Variants in KLHL32 observed in about 807,000 individuals in gnomAD.
KLHL32 encodes kelch like family member 32, also known as kelch-like protein 32.
KLHL32 carries 35 observed loss-of-function variants against 64.8 expected under a neutral mutation model. The ratio of observed to expected loss-of-function variants is 0.54; its 90% CI spans 0.41 to 0.72. KLHL32 has a LOEUF of 0.72. Among genes scored for constraint, KLHL32 ranks in the 30% least tolerant of loss-of-function variants. KLHL32 has a pLI of 0.00. For missense variants in KLHL32, 589 were observed against 768.5 expected, an observed-to-expected ratio of 0.77 and a Z score of 2.76; for synonymous variants, 259 against 281.0, an observed-to-expected ratio of 0.92 and a Z score of 0.78.
intron 3 of KLHL32, among the ~76,000 whole-genome samples, chr6:96,997,095 A>G (rs1419565754): frequency 6.6e-6 from 1 of 152,090 alleles, no homozygotes; most frequent in East Asian, 1.9e-4. Context: ...GTTCATGCTG[A>G]CCAAAGGCTT....
chr6:97,022,761 C>T (rs755899653), intron 3 of KLHL32, among the ~76,000 whole-genome samples: 4 of 152,170 alleles, frequency 2.6e-5, no homozygotes, highest in Non-Finnish European at 4.4e-5. Context: ...TGAGCCATGG[C>T]GCCCAGCCCT....
chr6:97,020,798 C>T (rs936657561), intron 3 of KLHL32, among the ~76,000 whole-genome samples: 3 of 150,760 alleles, frequency 2.0e-5, no homozygotes, highest in Non-Finnish European at 4.4e-5. Context: ...TCCAGGTTTT[C>T]CTCCCACTTG....
intron 3 of KLHL32, among the ~76,000 whole-genome samples, chr6:96,996,133 G>T (rs1778397109): frequency 6.6e-6 from 1 of 152,248 alleles, no homozygotes; most frequent in African/African-American, 2.4e-5. Context: ...CCACTCTGTA[G>T]GTTCTGGAAG....
chr6:96,898,301 A>G, the KLHL32 span, among the ~76,000 whole-genome samples: 1 of 152,240 alleles, frequency 6.6e-6, no homozygotes, highest in Non-Finnish European at 1.5e-5. Context: ...GTTAGCCGAT[A>G]AAAATGGAAC....
chr6:97,016,448 A>T (rs978065094), intron 3 of KLHL32, among the ~76,000 whole-genome samples: 2 of 152,240 alleles, frequency 1.3e-5, no homozygotes, highest in South Asian at 4.1e-4. Flanking sequence ...TCAGACTTGC[A>T]TGGAACTGTA....
intron 1 of KLHL32, among the ~76,000 whole-genome samples, chr6:96,940,098 A>G (rs1771102209): frequency 6.6e-6 from 1 of 152,134 alleles, no homozygotes; most frequent in African/African-American, 2.4e-5. Flanking sequence ...AACTGCATTA[A>G]TGTTGGTGCC....
intron 1 of KLHL32, among the ~76,000 whole-genome samples, chr6:96,954,312 A>ATTTTTTT (rs71012579): frequency 2.8e-4 from 25 of 89,432 alleles, no homozygotes; most frequent in African/African-American, 8.9e-4. Context: ...CTTTCCTTCA[A>ATTTTTTT]TTTTTTTTTT....
At chr6:97,000,407 C>G (rs564246476) in intron 3 of KLHL32, among the ~76,000 whole-genome samples, 1 of 152,280 alleles carries the variant, frequency 6.6e-6, no homozygotes, top group South Asian at 2.1e-4. Context: ...GACAGGAAGT[C>G]TTTCTTGAGG....
chr6:96,973,673 G>A (rs1364272681), intron 2 of KLHL32, among the ~76,000 whole-genome samples: 2 of 149,650 alleles, frequency 1.3e-5, no homozygotes, highest in African/African-American at 4.9e-5. Flanking sequence ...AAAGTTAATA[G>A]GGACTTACAT....
chr6:97,045,888 A>G (rs532200523), intron 4 of KLHL32, among the ~76,000 whole-genome samples: 1 of 152,258 alleles, frequency 6.6e-6, no homozygotes, highest in Non-Finnish European at 1.5e-5. Flanking sequence ...CCCATTGCCC[A>G]GGAGTCATAT....
intron 3 of KLHL32, among the ~76,000 whole-genome samples, chr6:97,028,729 G>A (rs555572389): frequency 1.1e-3 from 174 of 152,322 alleles, no homozygotes; most frequent in Middle Eastern, 6.8e-3. Context: ...TGCCATATGC[G>A]AGAGATCAAA....
At chr6:96,928,156 C>T (rs1006959832) in intron 1 of KLHL32, among the ~76,000 whole-genome samples, 2 of 152,144 alleles carry the variant, frequency 1.3e-5, no homozygotes, top group Admixed American at 1.3e-4. Flanking sequence ...GAAGCTCAGA[C>T]ACAGGGAAAA....
intron 3 of KLHL32, among the ~76,000 whole-genome samples, chr6:97,019,005 ATAGT>A (rs1473529245): frequency 9.2e-5 from 14 of 152,206 alleles, no homozygotes; most frequent in Admixed American, 7.9e-4. Flanking sequence ...TACAAAAATG[ATAGT>A]TAAGTAGGTT....
chr6:96,914,757 A>G, the KLHL32 span: 5 of 151,990 alleles, frequency 3.3e-5, no homozygotes, highest in African/African-American at 9.6e-5. Flanking sequence ...TATAGATGCA[A>G]TCCCACAACT....
chr6:97,010,601 G>C (rs1223274798), intron 3 of KLHL32, among the ~76,000 whole-genome samples: 3 of 152,054 alleles, frequency 2.0e-5, no homozygotes, highest in Admixed American at 6.6e-5. Context: ...GTGTGTATGA[G>C]TGAGGAACCA....
chr6:97,138,529 C>CAAAACA (rs71012582), intron 10 of KLHL32, among the ~76,000 whole-genome samples: 181 of 151,590 alleles, frequency 1.2e-3, no homozygotes, highest in African/African-American at 4.0e-3. Flanking sequence ...GACCCTGTCT[C>CAAAACA]AAAACAAAAA....
chr6:97,037,016 T>G (rs1211923212), intron 3 of KLHL32, among the ~76,000 whole-genome samples: 1 of 152,232 alleles, frequency 6.6e-6, no homozygotes, highest in African/African-American at 2.4e-5. Flanking sequence ...TTTTTAAAAT[T>G]TATGATAAAG....
At chr6:97,073,552 C>G (rs956297256) in intron 5 of KLHL32, among the ~76,000 whole-genome samples, 3 of 152,066 alleles carry the variant, frequency 2.0e-5, no homozygotes, top group African/African-American at 7.2e-5. Flanking sequence ...ATCCAAGAAA[C>G]AATTGGAAAA....
chr6:97,064,752 A>G (rs1280154929), intron 5 of KLHL32, 26 bp downstream of exon 5: 21 of 1,538,268 alleles, frequency 1.4e-5, no homozygotes, highest in Non-Finnish European at 1.8e-5. Flanking sequence ...TCCTGCTCAT[A>G]CACCCTTCAC....
Sources: gnomAD v4.1 joint callset for allele counts (sites outside exome capture counted in the v4.1 genomes callset) on GRCh38, gnomAD v4.1.1 for gene constraint, MANE v1.5 for transcripts, NCBI Gene and HGNC (gene_info 2026-07-23, HGNC 2026-07-21) for gene names.